The following CADM2 variants were observed in gnomAD, a reference collection of about 807,000 sequenced individuals.
CADM2 encodes the protein immunoglobulin superfamily member 4D.
In CADM2, 12 loss-of-function variants were observed where a neutral mutation model predicts 49.8. The observed-to-expected ratio is 0.24, with a 90% CI of 0.15 to 0.39. The LOEUF is 0.39. Ranked by LOEUF, CADM2 falls within the 10% of genes least tolerant of loss-of-function variation. CADM2 has a pLI of 1.00. For synonymous variants in CADM2, 214 were observed against 175.4 expected, an observed-to-expected ratio of 1.22 and a Z score of -1.74; for missense variants, 378 against 492.3, an observed-to-expected ratio of 0.77 and a Z score of 2.20.
chr3:85,707,594 C>T (rs1026290250), intron 1 of CADM2, among the ~76,000 whole-genome samples: 1 of 151,984 alleles, frequency 6.6e-6, no homozygotes, highest in African/African-American at 2.4e-5. Context: ...CAGGAAGGCA[C>T]ATTTTGAGAT....
chr3:85,245,192 A>G (rs1479222591), intron 1 of CADM2, among the ~76,000 whole-genome samples: 1 of 152,160 alleles, frequency 6.6e-6, no homozygotes. Context: ...TGGATTCAAG[A>G]ACATGCAATA....
intron 3 of CADM2, among the ~76,000 whole-genome samples, chr3:85,826,058 AT>A (rs1261799281): frequency 6.6e-6 from 1 of 152,048 alleles, no homozygotes; most frequent in Non-Finnish European, 1.5e-5. Flanking sequence ...TAGCAAGGAG[AT>A]TAGTTTTGTA....
chr3:86,045,316 T>C (rs1265271658), intron 8 of CADM2, among the ~76,000 whole-genome samples: 1 of 152,174 alleles, frequency 6.6e-6, no homozygotes, highest in Non-Finnish European at 1.5e-5. Context: ...TTAAATCGAA[T>C]GGCTGATTTG....
chr3:85,032,290 A>C (rs185775993), intron 1 of CADM2, among the ~76,000 whole-genome samples: 89 of 152,160 alleles, frequency 5.8e-4, no homozygotes, highest in African/African-American at 2.1e-3. Context: ...TAACATTGGC[A>C]TGAAAGACAA....
At chr3:85,726,783 CTAAG>C (rs1454740995) in intron 2 of CADM2, among the ~76,000 whole-genome samples, 6 of 151,914 alleles carry the variant, frequency 3.9e-5, no homozygotes, top group Non-Finnish European at 1.5e-5. Context: ...CACTTTATTC[CTAAG>C]TATTTCAAAG....
chr3:85,894,503 A>G (rs568426404), intron 5 of CADM2, among the ~76,000 whole-genome samples: 2 of 151,944 alleles, frequency 1.3e-5, no homozygotes, highest in African/African-American at 4.8e-5. Context: ...TAAAAAAAAA[A>G]CCCCATTTTC....
intron 8 of CADM2, among the ~76,000 whole-genome samples, chr3:85,981,827 G>A (rs955030133): frequency 1.3e-5 from 2 of 151,748 alleles, no homozygotes; most frequent in African/African-American, 2.4e-5. Flanking sequence ...ATGTGTGCGT[G>A]TGTCTTTATG....
intron 1 of CADM2, among the ~76,000 whole-genome samples, chr3:85,496,265 A>G (rs910844322): frequency 1.3e-5 from 2 of 152,002 alleles, no homozygotes; most frequent in Admixed American, 1.3e-4. Flanking sequence ...TGACCCTAAG[A>G]TTTAGTCCCA....
intron 8 of CADM2, among the ~76,000 whole-genome samples, chr3:86,032,187 A>G (rs1162063985): frequency 6.6e-6 from 1 of 151,810 alleles, no homozygotes; most frequent in Non-Finnish European, 1.5e-5. Context: ...TAAATACACT[A>G]TACTATACAA....
At chr3:85,594,432 T>C (rs1407131407) in intron 1 of CADM2, among the ~76,000 whole-genome samples, 2 of 151,910 alleles carry the variant, frequency 1.3e-5, no homozygotes, top group Non-Finnish European at 2.9e-5. Flanking sequence ...ATTATATTTT[T>C]CATGTTTTGG....
chr3:85,962,448 C>A (rs546584498), intron 8 of CADM2, among the ~76,000 whole-genome samples: 1 of 151,986 alleles, frequency 6.6e-6, no homozygotes, highest in South Asian at 2.1e-4. Context: ...AAAGTTCCTA[C>A]AGACTTTTTC....
rs1000079779 is a variant in CADM2, at chr3:85,160,521, G to T, written c.61+200853G>T. On this transcript the variant is annotated intron_variant, in intron 1 of 9. Transcript: ENST00000383699. The stretch of plus-strand genomic sequence containing the variant: ...GGGTCTCCTCTAAGATTATCTATTT[G>T]TTGCTCATATTGTAGGTTTTAAAAA... Among the ~76,000 whole-genome samples the T allele has an allele frequency of 2.6e-5, 4 of 152,066 alleles. No individual in the cohort carries two copies. The South Asian group carries it at 6.2e-4, about 24-fold the overall frequency.
intron 8 of CADM2, among the ~76,000 whole-genome samples, chr3:85,963,961 G>A (rs1725159259): frequency 6.6e-6 from 1 of 151,916 alleles, no homozygotes; most frequent in Non-Finnish European, 1.5e-5. Flanking sequence ...CAAGTAATGA[G>A]AGGCTCGATG....
intron 1 of CADM2, among the ~76,000 whole-genome samples, chr3:85,666,734 C>T (rs757887654): frequency 5.9e-5 from 9 of 151,570 alleles, no homozygotes; most frequent in South Asian, 2.1e-4. Context: ...ACAACTGTCC[C>T]GTGAAGATCT....
At chr3:85,394,074 C>T (rs1271782107) in intron 1 of CADM2, among the ~76,000 whole-genome samples, 1 of 152,110 alleles carries the variant, frequency 6.6e-6, no homozygotes, top group Admixed American at 6.5e-5. Flanking sequence ...GGATTACAGG[C>T]GTAAGCCACC....
At chr3:86,053,554 T>C (rs1737578928) in intron 8 of CADM2, among the ~76,000 whole-genome samples, 1 of 152,114 alleles carries the variant, frequency 6.6e-6, no homozygotes, top group African/African-American at 2.4e-5. Context: ...TTTGGGAAAG[T>C]TGTTCACAAG....
Position 86,073,910 on chromosome 3 carries a change from T to C in CADM2, c.*7127T>C, listed in dbSNP as rs936995138. Reference sequence around the variant, plus strand: ...TTTTAAAAATTAAGCATCAGTAAAATAAATGTTATCTTATTTGTACAACAT... The same window carrying C: ...TTTTAAAAATTAAGCATCAGTAAAACAAATGTTATCTTATTTGTACAACAT... On this transcript the variant is annotated 3_prime_UTR_variant, in exon 10 of 10. Coordinates refer to ENST00000383699, the MANE Select transcript of CADM2 (RefSeq NM_001167675.2). The C allele has an allele frequency of 2.6e-5, 4 of 151,968 alleles. No homozygotes were observed. Among genetic ancestry groups the C allele is most frequent in the African/African-American group, 7.2e-5 (3 of 41,442 alleles). The allele number at this position is 151,968 out of a possible 1,614,324, so 9.4% of individuals were successfully genotyped here.
In CADM2 at chr3:85,930,250, A is replaced by C. The variant is rs531380026; in HGVS notation, c.701-5517A>C. ...AGAAAATTGTTACCTAATGATATCC[A>C]ATGCAGATTATTTGTAACAGAGAGT... On this transcript the variant is annotated intron_variant, in intron 6 of 9. Coordinates refer to ENST00000383699, the MANE Select transcript of CADM2 (RefSeq NM_001167675.2). 2.6e-5 allele frequency among the ~76,000 whole-genome samples: 4 copies of C among 152,268 alleles called. No homozygotes were observed. The South Asian group carries it at 8.3e-4, about 32-fold the overall frequency.
intron 8 of CADM2, among the ~76,000 whole-genome samples, chr3:86,060,736 C>G (rs904199403): frequency 4.2e-4 from 64 of 152,026 alleles, no homozygotes; most frequent in African/African-American, 1.5e-3. Flanking sequence ...GTAATCCCAG[C>G]ACTTTTGGAG....
Sources: gnomAD v4.1 joint callset for allele counts (sites outside exome capture counted in the v4.1 genomes callset) on GRCh38, gnomAD v4.1.1 for gene constraint, MANE v1.5 for transcripts, NCBI Gene and HGNC (gene_info 2026-07-23, HGNC 2026-07-21) for gene names.